Variants in MAST2 observed in about 807,000 individuals in gnomAD.
The protein encoded by MAST2 is microtubule associated serine/threonine kinase 2, also known as microtubule-associated serine/threonine-protein kinase 2.
Under a neutral mutation model 147.4 loss-of-function variants are expected in MAST2, and 70 were observed. The observed-to-expected ratio is 0.47, with a 90% confidence interval of 0.39 to 0.58. The LOEUF (loss-of-function observed/expected upper bound fraction) is 0.58. Ranked by LOEUF, MAST2 falls within the 20% of genes least tolerant of loss-of-function variation. The probability of loss-of-function intolerance (pLI) is 0.00; values close to 1 mark genes in which losing one functional copy is unlikely to be tolerated. For missense variants in MAST2, 2,080 were observed against 2,302.3 expected, an observed-to-expected ratio of 0.90 and a Z score of 1.98; for synonymous variants, 869 against 896.8, an observed-to-expected ratio of 0.97 and a Z score of 0.55.
intron 5 of MAST2, among the ~76,000 whole-genome samples, chr1:45,991,840 A>G (rs1026927584): frequency 2.0e-5 from 3 of 151,968 alleles, no homozygotes; most frequent in South Asian, 2.1e-4. Flanking sequence ...CTCCTTCCCA[A>G]TGTATTTACC....
At chr1:45,954,193 A>G (rs1458263160) in intron 4 of MAST2, among the ~76,000 whole-genome samples, 1 of 152,190 alleles carries the variant, frequency 6.6e-6, no homozygotes, top group South Asian at 2.1e-4. Flanking sequence ...GGGATCTGCA[A>G]CCAGACATCT....
intron 4 of MAST2, among the ~76,000 whole-genome samples, chr1:45,907,956 ATTCTC>A (rs1379594353): frequency 1.3e-5 from 2 of 152,090 alleles, no homozygotes; most frequent in African/African-American, 2.4e-5. Flanking sequence ...TGTTCCTGCT[ATTCTC>A]TTATTATTCT....
chr1:45,928,755 A>AT (rs1382485531), intron 4 of MAST2, among the ~76,000 whole-genome samples: 3 of 150,722 alleles, frequency 2.0e-5, no homozygotes, highest in South Asian at 2.1e-4. Flanking sequence ...AATTTTTTCT[A>AT]TTTTTTGTAG....
rs367749861 is a variant in MAST2 at position 45,952,685 on chromosome 1, T to C, written c.501-6701T>C. ...ACTACAGAATAATATTTTTAAAGTA[T>C]TGAGAAAAAAGTTACTCTGAACAAG... On this transcript the variant is annotated intron_variant, in intron 4 of 28. Transcript: ENST00000361297. 2.6e-5 allele frequency among the ~76,000 whole-genome samples: 4 copies of C among 152,268 alleles called. No homozygotes were observed. The East Asian group carries it at 5.8e-4, about 22-fold the overall frequency.
At chr1:45,936,280 G>C (rs1656179486) in intron 4 of MAST2, among the ~76,000 whole-genome samples, 1 of 152,172 alleles carries the variant, frequency 6.6e-6, no homozygotes, top group Admixed American at 6.5e-5. Context: ...ATCAGATCTA[G>C]GAACCTTTGG....
At chr1:45,939,989 T>TTTTGTTTTTTTTTTTGTTTTTTTTG (rs776892902) in intron 4 of MAST2, among the ~76,000 whole-genome samples, 3 of 128,882 alleles carry the variant, frequency 2.3e-5, no homozygotes, top group African/African-American at 8.9e-5. Flanking sequence ...GGTTTTTTTT[T>TTTTGTTTTTTTTTTTGTTTTTTTTG]TTTTTTTTTT....
At chr1:46,005,759 C>T (rs142998997) in intron 7 of MAST2, among the ~76,000 whole-genome samples, 2 of 152,336 alleles carry the variant, frequency 1.3e-5, no homozygotes, top group African/African-American at 4.8e-5. Flanking sequence ...TGGCACAATA[C>T]ATTGGCCAGC....
intron 7 of MAST2, among the ~76,000 whole-genome samples, chr1:46,005,466 G>A (rs943529566): frequency 6.6e-6 from 1 of 152,160 alleles, no homozygotes. Flanking sequence ...GGTAATGGAG[G>A]GGGGAGTTCC....
chr1:45,927,414 A>G (rs1654555196), intron 4 of MAST2, among the ~76,000 whole-genome samples: 1 of 152,182 alleles, frequency 6.6e-6, no homozygotes, highest in Admixed American at 6.5e-5. Flanking sequence ...CCTCAACCAT[A>G]AGAGACAGGC....
chr1:45,897,147 A>G (rs1648871691), intron 4 of MAST2, among the ~76,000 whole-genome samples: 2 of 152,112 alleles, frequency 1.3e-5, no homozygotes, highest in South Asian at 4.2e-4. Context: ...TCTGAAAGGG[A>G]CATTAGAATC....
chr1:45,930,142 C>T (rs775552566), intron 4 of MAST2, among the ~76,000 whole-genome samples: 1 of 151,804 alleles, frequency 6.6e-6, no homozygotes, highest in Non-Finnish European at 1.5e-5. Flanking sequence ...CTGGAGTGCG[C>T]GATCTCAGCT....
intron 10 of MAST2, among the ~76,000 whole-genome samples, chr1:46,018,383 C>A (rs1412041371): frequency 6.6e-6 from 1 of 152,160 alleles, no homozygotes; most frequent in Non-Finnish European, 1.5e-5. Context: ...ACTTTGACTT[C>A]CCTATATTGG....
intron 4 of MAST2, among the ~76,000 whole-genome samples, chr1:45,939,643 T>C (rs1656871264): frequency 1.3e-5 from 2 of 151,792 alleles, no homozygotes; most frequent in African/African-American, 4.8e-5. Flanking sequence ...TGGATTCAAG[T>C]GATTCTTGTG....
chr1:45,940,348 T>C (rs1226948074), intron 4 of MAST2, among the ~76,000 whole-genome samples: 1 of 152,132 alleles, frequency 6.6e-6, no homozygotes. Flanking sequence ...CATACAAGTC[T>C]CATACTTCTT....
Position 46,033,806 on chromosome 1 carries a change from G to C in MAST2, c.3542G>C (p.Gly1181Ala). 4.3e-6 allele frequency: 7 copies of C among 1,614,144 alleles called. No individual in the cohort carries two copies. Among genetic ancestry groups the C allele is most frequent in the Non-Finnish European group, 5.9e-6 (7 of 1,180,000 alleles). Residue 1181 changes from glycine to alanine, a missense_variant, in exon 27 of 29, where the codon GGA becomes GCA. Transcript: ENST00000361297. Reference protein sequence around the residue: ...TEVVELILKSGNKVAISTTPL... With the variant: ...TEVVELILKSANKVAISTTPL... ...GCCTCATGCTCTGCTCCCCAGAGTG[G>C]AAACAAGGTGGCCATTTCAACAACT...
At chr1:45,897,993 C>T (rs1328944058) in intron 4 of MAST2, among the ~76,000 whole-genome samples, 3 of 152,032 alleles carry the variant, frequency 2.0e-5, no homozygotes, top group Non-Finnish European at 4.4e-5. Context: ...CCTGTAGTCC[C>T]AGCTACTTGG....
At chr1:45,924,723 C>G (rs537159536) in intron 4 of MAST2, among the ~76,000 whole-genome samples, 4 of 152,160 alleles carry the variant, frequency 2.6e-5, no homozygotes, top group African/African-American at 9.7e-5. Context: ...CTCAGAACGT[C>G]ACTGTATTTG....
chr1:46,002,704 C>A, intron 6 of MAST2, 101 bp from the exon 7 acceptor site: 1 of 932,048 alleles, frequency 1.1e-6, no homozygotes, highest in Non-Finnish European at 1.8e-6. Context: ...AGGAGCCCTA[C>A]AGTGAATCAA....
chr1:45,945,385 CAG>C (rs1385677298), intron 4 of MAST2, among the ~76,000 whole-genome samples: 2 of 152,006 alleles, frequency 1.3e-5, no homozygotes, highest in East Asian at 1.9e-4. Context: ...AAAGAAAAAA[CAG>C]AATAATAAAA....
Sources: gnomAD v4.1 joint callset for allele counts (sites outside exome capture counted in the v4.1 genomes callset) on GRCh38, gnomAD v4.1.1 for gene constraint, MANE v1.5 for transcripts, NCBI Gene and HGNC (gene_info 2026-07-23, HGNC 2026-07-21) for gene names.